Variants in UTP20 observed in about 807,000 individuals in gnomAD.
The protein encoded by UTP20 is UTP20 small subunit processome component, also known as small subunit processome component 20 homolog.
In UTP20, 164 loss-of-function variants were observed where a neutral mutation model predicts 329.5. That is an observed-to-expected ratio of 0.50 (90% CI 0.44 to 0.57). The LOEUF (loss-of-function observed/expected upper bound fraction) is 0.57. UTP20 is among the 20% of genes least tolerant of loss of function. The pLI is 0.00. For synonymous variants in UTP20, 1,151 were observed against 1,159.3 expected, an observed-to-expected ratio of 0.99 and a Z score of 0.14; for missense variants, 3,055 against 3,284.2, an observed-to-expected ratio of 0.93 and a Z score of 1.71.
intron 51 of UTP20, among the ~76,000 whole-genome samples, chr12:101,372,552 T>TGTC (rs1870328891): frequency 1.3e-5 from 2 of 152,242 alleles, no homozygotes; most frequent in Non-Finnish European, 2.9e-5. Flanking sequence ...CCACAGTCCA[T>TGTC]ACTGTGGTAC....
intron 17 of UTP20, among the ~76,000 whole-genome samples, chr12:101,307,719 A>G (rs1449044351): frequency 6.6e-6 from 1 of 152,126 alleles, no homozygotes; most frequent in Non-Finnish European, 1.5e-5. Context: ...ACTACTCCAC[A>G]GTTGAAAATG....
Position 101,356,637 on chromosome 12 carries a change from C to T in UTP20, c.5478C>T (p.Ala1826=), listed in dbSNP as rs1486462434. ...EEVVRVPLAF[A]MVKLMQSLPQ... ...TCGTTCGAGTTCCATTAGCTTTTGC[C>T]ATGGTTAAACTAATGCAGTCCCTTC... Residue 1826 remains alanine (A), a synonymous_variant, in exon 42 of 62, where the codon GCC becomes GCT. Transcript: ENST00000261637. 6.2e-7 allele frequency: 1 copy of T among 1,613,990 alleles called. No individual in the cohort carries two copies. The highest frequency in any genetic ancestry group is 1.1e-5 in the South Asian group (1 of 91,054).
intron 29 of UTP20, among the ~76,000 whole-genome samples, chr12:101,336,091 G>A (rs1868925375): frequency 1.3e-5 from 2 of 152,042 alleles, no homozygotes; most frequent in African/African-American, 4.8e-5. Context: ...TTTTTGGTTG[G>A]GTAAATAGAA....
rs1871746454 is a variant in UTP20, at chr12:101,280,196, G to T, written c.-87G>T. On this transcript the variant is annotated 5_prime_UTR_variant, in exon 1 of 62. Coordinates refer to ENST00000261637, the MANE Select transcript of UTP20 (RefSeq NM_014503.3). ...GGGCATCTGGGAATCGGAGAGTATA[G>T]CCTGTGAGCCGCTTTCCCCTCCTTA... 4 of 1,505,886 alleles carry T rather than the reference G, an allele frequency of 2.7e-6. No individual in the cohort carries two copies. The highest frequency in any genetic ancestry group is 4.0e-5 in the Admixed American group (2 of 50,350). The allele number at this position is 1,505,886 out of a possible 1,614,324, so 93.3% of individuals were successfully genotyped here.
At position 101,356,988 on chromosome 12, in the gene UTP20, G is replaced by A. The variant is rs371374289; in HGVS notation, c.5597G>A (p.Arg1866His). The change falls in exon 43 of 62, where the codon CGC becomes CAC. Residue 1866 changes from arginine (R) to histidine (H), a missense_variant. By Grantham distance (29) the Arg-to-His change is conservative. Transcript: ENST00000261637. The stretch of plus-strand genomic sequence containing the variant: ...GCCCAAGAAATCAGAGACATTGCAC[G>A]CAGCACTCTTGCGAAAATAATAGAG... ...NRAQEIRDIA[R>H]STLAKIIEDL... 10 of 1,613,938 alleles carry A rather than the reference G, an allele frequency of 6.2e-6. No homozygotes were observed. The highest frequency in any genetic ancestry group is 4.4e-5 in the South Asian group (4 of 91,068).
chr12:101,326,159 G>T (rs1367922760), intron 25 of UTP20, among the ~76,000 whole-genome samples: 1 of 152,106 alleles, frequency 6.6e-6, no homozygotes, highest in Admixed American at 6.6e-5. Context: ...TACCAGGAAC[G>T]ATTAATCTGT....
chr12:101,333,318 T>C lies in UTP20; in HGVS notation c.3435T>C (p.Ile1145=). Residue 1145 remains isoleucine, a synonymous_variant, in exon 28 of 62, where the codon ATT becomes ATC. Coordinates refer to ENST00000261637, the MANE Select transcript of UTP20 (RefSeq NM_014503.3). ...TTTTACAGATACAGCTGAGATTTAT[T>C]AATCCATTGAAAAATTTAAGACGTC... ...DQREKIQLRF[I]NPLKNLRRLG... is the part of the protein sequence containing the mutation. 2 of 1,613,718 alleles carry C rather than the reference T, an allele frequency of 1.2e-6. No homozygotes were observed. The highest frequency in any genetic ancestry group is 1.7e-6 in the Non-Finnish European group (2 of 1,179,814).
chr12:101,323,068 A>G (rs1868424158), intron 25 of UTP20, among the ~76,000 whole-genome samples: 1 of 152,196 alleles, frequency 6.6e-6, no homozygotes, highest in South Asian at 2.1e-4. Flanking sequence ...TAATACACCC[A>G]TACAAGTTTT....
At chr12:101,372,127 A>G (rs879832566) in intron 51 of UTP20, among the ~76,000 whole-genome samples, 20 of 152,246 alleles carry the variant, frequency 1.3e-4, no homozygotes, top group Admixed American at 5.9e-4. Flanking sequence ...AGCACTTTAA[A>G]TGCATGACCT....
At position 101,344,934 on chromosome 12, in the gene UTP20, C is replaced by CTTT. The variant is rs11417670; in HGVS notation, c.4605+211_4605+213dup. The stretch of plus-strand genomic sequence containing the variant: ...CTAGAAAGGAGAGCACTTTTTTTTG[C>CTTT]TTTTTTTTTTTTTTTTTTTTTTTTT... On this transcript the variant is annotated intron_variant, in intron 36 of 61. Coordinates refer to ENST00000261637, the MANE Select transcript of UTP20 (RefSeq NM_014503.3). 9.6e-4 allele frequency among the ~76,000 whole-genome samples: 59 copies of CTTT among 61,568 alleles called. 1 individual carries two copies. The highest frequency in any genetic ancestry group is 1.6e-3 in the Non-Finnish European group (52 of 31,972). 40.4% of individuals were successfully genotyped at this position (61,568 alleles called of 152,430 possible).
intron 23 of UTP20, among the ~76,000 whole-genome samples, chr12:101,320,488 A>G (rs1020454307): frequency 6.6e-6 from 1 of 152,024 alleles, no homozygotes; most frequent in Non-Finnish European, 1.5e-5. Context: ...CCCAGGAGGC[A>G]GAGGTTGCAG....
chr12:101,305,356 G>A (rs1304072179), intron 15 of UTP20, among the ~76,000 whole-genome samples: 1 of 151,522 alleles, frequency 6.6e-6, no homozygotes, highest in East Asian at 1.9e-4. Flanking sequence ...ATGAATATTT[G>A]TTGCATAAGG....
chr12:101,323,530 A>G (rs1313844619), intron 25 of UTP20, among the ~76,000 whole-genome samples: 1 of 152,170 alleles, frequency 6.6e-6, no homozygotes, highest in African/African-American at 2.4e-5. Flanking sequence ...CTAATTTGTC[A>G]GTGATAAATG....
At chr12:101,376,710 G>A (rs894674982) in intron 56 of UTP20, among the ~76,000 whole-genome samples, 1 of 152,004 alleles carries the variant, frequency 6.6e-6, no homozygotes, top group Non-Finnish European at 1.5e-5. Context: ...TAAATGGCAC[G>A]ATCTCAGCAC....
At chr12:101,375,907 T>C (rs1049057440) in intron 56 of UTP20, 151 bp downstream of exon 56, 5 of 540,626 alleles carry the variant, frequency 9.2e-6, no homozygotes, top group Middle Eastern at 4.8e-4. Context: ...TTCTATCAGA[T>C]TGAACACAGT....
rs1565805218 is a variant in UTP20 at position 101,363,685 on chromosome 12, T to C, written c.5900T>C (p.Ile1967Thr). 1.9e-6 allele frequency: 3 copies of C among 1,613,264 alleles called. No individual in the cohort carries two copies. The highest frequency in any genetic ancestry group is 2.2e-5 in the South Asian group (2 of 91,062). Residue 1967 changes from isoleucine to threonine, a missense_variant, in exon 45 of 62, where the codon ATC becomes ACC. By Grantham distance (89) the Ile-to-Thr change is moderately conservative. This residue lies in a region of UTP20 where 2,445 missense variants were observed against 2,575.5 expected (regional missense o/e 0.95). Transcript: ENST00000261637. ...RRSKSYDSYE[I>T]LGKFVGKDQV... The stretch of plus-strand genomic sequence containing the variant: ...AGCAAAAGTTACGACTCTTATGAAA[T>C]CCTCGGCAAGTTTGTAGGAAAAGAT...
At chr12:101,344,804 T>C in intron 36 of UTP20, 54 bp downstream of exon 36, 1 of 1,527,476 alleles carries the variant, frequency 6.5e-7, no homozygotes, top group Non-Finnish European at 9.0e-7. Context: ...TTTGTTTTGT[T>C]TTCCCACGTT....
At position 101,383,154 on chromosome 12, in the gene UTP20, T is replaced by C; in HGVS notation, c.7770T>C (p.Asp2590=). The C allele has an allele frequency of 6.2e-7, 1 of 1,613,964 alleles. No individual in the cohort carries two copies. Among genetic ancestry groups the C allele is most frequent in the Non-Finnish European group, 8.5e-7 (1 of 1,179,924 alleles). Residue 2590 remains aspartate, a synonymous_variant, in exon 59 of 62, where the codon GAT becomes GAC. Transcript: ENST00000261637. ...EDLEEQEALE[D]GVACADEKAE... is the part of the protein sequence containing the mutation. ...TGGAAGAACAAGAAGCTTTAGAAGA[T>C]GGTGTGGCCTGTGCAGATGAGAAGG...
rs553438921 is a variant in UTP20, at chr12:101,285,813, C to T, written c.258C>T (p.Asn86=). 1.5e-5 allele frequency: 25 copies of T among 1,613,608 alleles called. No homozygotes were observed. The highest frequency in any genetic ancestry group is 8.3e-5 in the Admixed American group (5 of 59,982). The change falls in exon 4 of 62, where the codon AAC becomes AAT. Residue 86 remains asparagine, a synonymous_variant. Transcript: ENST00000261637. ...QSFNQLVYHQ[N]EIVQSLKTHL... The stretch of plus-strand genomic sequence containing the variant: ...TCAATCAGTTGGTGTATCACCAAAA[C>T]GAGATAGTTCAGAGTTTGAAGACTC...
Sources: gnomAD v4.1 joint callset for allele counts (sites outside exome capture counted in the v4.1 genomes callset) on GRCh38, gnomAD v4.1.1 for gene constraint, gnomAD v4.1.1 regional missense constraint, MANE v1.5 for transcripts, NCBI Gene and HGNC (gene_info 2026-07-23, HGNC 2026-07-21) for gene names.